Variants in CCDC18 observed in about 807,000 individuals in gnomAD.
CCDC18 encodes the protein coiled-coil domain containing 18, also known as coiled-coil domain-containing protein 18.
In CCDC18, 157 loss-of-function variants were observed where a neutral mutation model predicts 196.0. The ratio of observed to expected loss-of-function variants is 0.80; its 90% CI spans 0.70 to 0.91. CCDC18 has a LOEUF of 0.91. Among genes scored for constraint, CCDC18 ranks in the 40% least tolerant of loss-of-function variants. The pLI is 0.00. For synonymous variants in CCDC18, 482 were observed against 529.2 expected (o/e 0.91, Z 1.22); for missense variants, 1,465 against 1,611.6 (o/e 0.91, Z 1.56).
chr1:93,256,687 AT>A, intron 25 of CCDC18, 149 bp downstream of exon 25: 1 of 664,476 alleles, frequency 1.5e-6, no homozygotes. Context: ...ACACTTAAAA[AT>A]GGTTAAAATG....
chr1:93,239,937 C>T, intron 21 of CCDC18, 41 bp downstream of exon 21: 1 of 1,275,064 alleles, frequency 7.8e-7, no homozygotes, highest in East Asian at 2.3e-5. Context: ...GTTATAAGTC[C>T]TTGGATAATA....
chr1:93,237,723 G>T (rs564694655), intron 19 of CCDC18, among the ~76,000 whole-genome samples: 2 of 152,156 alleles, frequency 1.3e-5, no homozygotes, highest in South Asian at 2.1e-4. Flanking sequence ...CTGACTTACT[G>T]TTGCCCTCTC....
chr1:93,250,378 CAAAAA>C (rs71094242), intron 23 of CCDC18, among the ~76,000 whole-genome samples: 1 of 89,428 alleles, frequency 1.1e-5, no homozygotes, highest in Admixed American at 1.2e-4. Flanking sequence ...GAGACCCTGT[CAAAAA>C]AAAAAAAAAA....
intron 14 of CCDC18, among the ~76,000 whole-genome samples, chr1:93,220,430 C>A (rs868834052): frequency 1.9e-4 from 29 of 151,218 alleles, no homozygotes; most frequent in African/African-American, 6.6e-4. Context: ...AACTTGGGAC[C>A]TCAGGAATAA....
At chr1:93,273,532 T>G (rs1015815152) in intron 28 of CCDC18, 2 of 152,260 alleles carry the variant, frequency 1.3e-5, no homozygotes, top group Admixed American at 6.5e-5. Flanking sequence ...GCCAGCCAGA[T>G]AGTTCTGTCA....
chr1:93,270,306 A>G (rs1325130461), intron 27 of CCDC18, 41 bp from the exon 28 acceptor site: 9 of 1,190,096 alleles, frequency 7.6e-6, no homozygotes, highest in Non-Finnish European at 1.1e-5. Context: ...TCATTTAACA[A>G]AAATGTATTG....
In CCDC18 at chr1:93,277,456, G is replaced by A. The variant is rs1055714894; in HGVS notation, c.4354-1007G>A. Among the ~76,000 whole-genome samples, 108 of 114,522 alleles carry A rather than the reference G, an allele frequency of 9.4e-4. 4 individuals are homozygous for A. Among genetic ancestry groups the A allele is most frequent in the Middle Eastern group, 3.7e-3 (1 of 272 alleles). The allele number at this position is 114,522 out of a possible 152,430, so 75.1% of individuals were successfully genotyped here. A position where few individuals can be genotyped will look rare whatever the true frequency, so the allele number is the denominator to read the frequency against. On this transcript the variant is annotated intron_variant, in intron 28 of 28. Coordinates refer to ENST00000690025, the MANE Select transcript of CCDC18 (RefSeq NM_001378204.1). ...TAGGCAGAGGTCCCTGCGGCCTTCCGCAGTTTTTGTGTCCCTGGGTACTTG... is the reference window on the plus strand; with the variant it reads ...TAGGCAGAGGTCCCTGCGGCCTTCCACAGTTTTTGTGTCCCTGGGTACTTG...
intron 27 of CCDC18, among the ~76,000 whole-genome samples, chr1:93,265,225 G>A (rs568459593): frequency 1.4e-3 from 213 of 152,202 alleles, no homozygotes; most frequent in Non-Finnish European, 2.0e-3. Context: ...AAAGTAGGCC[G>A]GGCGTGGTGG....
chr1:93,183,870 A>T, intron 2 of CCDC18, 108 bp from the exon 3 acceptor site: 3 of 615,378 alleles, frequency 4.9e-6, no homozygotes, highest in Non-Finnish European at 7.6e-6. Context: ...CATAACTGTG[A>T]ATCTGCTTAG....
rs1663397337 is a variant in CCDC18 at position 93,258,876 on chromosome 1, T to C, written c.3675T>C (p.Tyr1225=). The C allele has an allele frequency of 6.3e-6, 10 of 1,591,376 alleles. No individual in the cohort carries two copies. Among genetic ancestry groups the C allele is most frequent in the African/African-American group, 1.4e-5 (1 of 73,692 alleles). Residue 1225 remains tyrosine (Y), a synonymous_variant, in exon 26 of 29, where the codon TAT becomes TAC. Transcript: ENST00000690025. ...AAGTAGAATCTCTCAAAGAAGCTTA[T>C]CATATGGAGGTAAAGAAAAATTTAA... ...SAEVESLKEA[Y]HMEMISHQEN...
chr1:93,227,284 G>A (rs1459423882), intron 17 of CCDC18, among the ~76,000 whole-genome samples: 1 of 121,952 alleles, frequency 8.2e-6, no homozygotes, highest in African/African-American at 5.6e-5. Flanking sequence ...TCAGCCCCCT[G>A]AGTAGCTGGG....
chr1:93,264,367 A>G (rs1664213637), intron 26 of CCDC18, among the ~76,000 whole-genome samples: 1 of 152,206 alleles, frequency 6.6e-6, no homozygotes, highest in Non-Finnish European at 1.5e-5. Context: ...CTAAAAATTG[A>G]CAGTGACTCC....
intron 9 of CCDC18, among the ~76,000 whole-genome samples, chr1:93,210,226 C>T (rs1310558764): frequency 6.6e-6 from 1 of 152,186 alleles, no homozygotes; most frequent in Non-Finnish European, 1.5e-5. Context: ...GCTAACCTTG[C>T]TCCTTTTTAT....
chr1:93,254,095 C>CA (rs1020038565), intron 23 of CCDC18, among the ~76,000 whole-genome samples: 4 of 151,910 alleles, frequency 2.6e-5, no homozygotes, highest in Non-Finnish European at 5.9e-5. Context: ...AAAACAAAAA[C>CA]AAAAAAGTCT....
At chr1:93,266,556 TAAAGAA>T (rs1664544535) in intron 27 of CCDC18, among the ~76,000 whole-genome samples, 1 of 151,480 alleles carries the variant, frequency 6.6e-6, no homozygotes, top group Non-Finnish European at 1.5e-5. Context: ...GCAAGACTAA[TAAAGAA>T]GAAAAGAGAG....
intron 28 of CCDC18, among the ~76,000 whole-genome samples, chr1:93,274,936 CT>C (rs1665548264): frequency 1.3e-5 from 2 of 152,134 alleles, no homozygotes; most frequent in Non-Finnish European, 2.9e-5. Context: ...CAATGATACT[CT>C]ACTGAGTTTT....
In CCDC18 at chr1:93,202,282, A is replaced by C. The variant is rs538919463; in HGVS notation, c.795+294A>C. ...AGAGACTGGAGCTAAAGAAGTAGAA[A>C]AAAGAAATTCATTTTTATCACTTCA... On this transcript the variant is annotated intron_variant, in intron 7 of 28. Coordinates refer to ENST00000690025, the MANE Select transcript of CCDC18 (RefSeq NM_001378204.1). Among the ~76,000 whole-genome samples the C allele has an allele frequency of 3.3e-5, 5 of 152,334 alleles. No individual in the cohort carries two copies. In the East Asian group the frequency reaches 9.6e-4, roughly 29 times the overall value.
intron 7 of CCDC18, among the ~76,000 whole-genome samples, chr1:93,203,990 A>C (rs1242820999): frequency 1.3e-5 from 2 of 152,142 alleles, no homozygotes; most frequent in Non-Finnish European, 2.9e-5. Flanking sequence ...GGGTAGAGGT[A>C]GCTAACAGAC....
At chr1:93,271,494 G>C (rs1312521732) in intron 28 of CCDC18, 2 of 985,172 alleles carry the variant, frequency 2.0e-6, no homozygotes, top group African/African-American at 3.5e-5. Context: ...TGTATCTTCA[G>C]GCTTCTTTAT....
Sources: allele counts gnomAD v4.1 joint callset (sites outside exome capture counted in the v4.1 genomes callset), GRCh38; gene constraint gnomAD v4.1.1; transcripts MANE v1.5; gene names NCBI Gene and HGNC (gene_info 2026-07-23, HGNC 2026-07-21).